SHTN1: variants seen among roughly 807,000 people sequenced by gnomAD.
The protein encoded by SHTN1 is shootin-1.
Under a neutral mutation model 83.1 loss-of-function variants are expected in SHTN1, and 42 were observed. The ratio of observed to expected loss-of-function variants is 0.51; its 90% CI spans 0.39 to 0.65. The LOEUF is 0.65. SHTN1 is among the 30% of genes least tolerant of loss of function. SHTN1 has a pLI of 0.00. For missense variants in SHTN1, 622 were observed against 737.8 expected (o/e 0.84, Z 1.82); for synonymous variants, 224 against 247.7 (o/e 0.90, Z 0.90).
intron 1 of SHTN1, among the ~76,000 whole-genome samples, chr10:117,110,833 A>C (rs763359970): frequency 2.0e-5 from 3 of 152,212 alleles, no homozygotes; most frequent in Non-Finnish European, 2.9e-5. Flanking sequence ...GCACTTATTA[A>C]GTAAGACTAG....
intron 2 of SHTN1, among the ~76,000 whole-genome samples, chr10:117,035,873 G>A (rs1055368166): frequency 1.4e-5 from 2 of 147,776 alleles, no homozygotes; most frequent in Non-Finnish European, 3.0e-5. Context: ...CTTGAACCTG[G>A]GAGGTGGAGG....
intron 11 of SHTN1, among the ~76,000 whole-genome samples, chr10:116,923,765 G>C (rs1404994688): frequency 1.3e-5 from 2 of 152,138 alleles, no homozygotes; most frequent in Non-Finnish European, 2.9e-5. Context: ...TGCCCAGGCT[G>C]GTCCTGAACT....
Position 117,002,847 on chromosome 10 carries a change from A to C in SHTN1, c.58+2175T>G, listed in dbSNP as rs145123872. Among the ~76,000 whole-genome samples the C allele has an allele frequency of 2.2e-3, 331 of 152,338 alleles. 2 individuals are homozygous for C. The highest frequency in any genetic ancestry group is 7.6e-3 in the African/African-American group (316 of 41,574). ...CCTTTTAAGAAACACAACTTTGAAT[A>C]TCTAACTGTTCTATTACCTTTCATA... is the stretch of plus-strand genomic sequence containing the variant. On this transcript the variant is annotated intron_variant, in intron 1 of 16. Coordinates refer to ENST00000355371, the MANE Select transcript of SHTN1 (RefSeq NM_001127211.3).
intron 2 of SHTN1, among the ~76,000 whole-genome samples, chr10:117,019,369 A>G (rs2133562922): frequency 1.3e-5 from 2 of 152,046 alleles, no homozygotes; most frequent in Admixed American, 1.3e-4. Flanking sequence ...AGTTTTGTAG[A>G]GACAGGGCCT....
intron 2 of SHTN1, among the ~76,000 whole-genome samples, chr10:117,029,829 CCTTT>C (rs59395168): frequency 0.02 from 3,027 of 151,380 alleles, 109 homozygotes; most frequent in African/African-American, 0.069. Flanking sequence ...GCCAGTTAAA[CCTTT>C]CTTTCTTTCT....
Position 116,936,559 on chromosome 10 carries a change from A to G in SHTN1, c.858+3907T>C, listed in dbSNP as rs1849171486. Among the ~76,000 whole-genome samples, 3 of 152,176 alleles carry G rather than the reference A, an allele frequency of 2.0e-5. No individual in the cohort carries two copies. In the South Asian group the frequency reaches 6.2e-4, roughly 32 times the overall value. ...CTGTTTATGATTTCCATTCTTCTGC[A>G]TTTGCCAAGGAGTGTTTTACATCCA... is the stretch of plus-strand genomic sequence containing the variant. On this transcript the variant is annotated intron_variant, in intron 9 of 16. Coordinates refer to ENST00000355371, the MANE Select transcript of SHTN1 (RefSeq NM_001127211.3).
chr10:116,932,139 G>A (rs940570073), intron 9 of SHTN1, among the ~76,000 whole-genome samples: 2 of 152,144 alleles, frequency 1.3e-5, no homozygotes, highest in Admixed American at 6.5e-5. Flanking sequence ...CCTCTGCAGC[G>A]GCAGCCAGCC....
At chr10:117,097,726 G>A (rs949933130) in intron 1 of SHTN1, among the ~76,000 whole-genome samples, 3 of 152,182 alleles carry the variant, frequency 2.0e-5, no homozygotes, top group Non-Finnish European at 1.5e-5. Context: ...AAATGTATTT[G>A]AGAACTCACT....
chr10:117,103,670 G>T (rs1202000789), intron 1 of SHTN1, among the ~76,000 whole-genome samples: 1 of 151,168 alleles, frequency 6.6e-6, no homozygotes, highest in Non-Finnish European at 1.5e-5. Context: ...CCCGAGAGCT[G>T]GGGCTACAGG....
chr10:117,097,030 G>GACACACACACACACACAC (rs5788209), intron 1 of SHTN1, among the ~76,000 whole-genome samples: 35 of 148,950 alleles, frequency 2.3e-4, no homozygotes, highest in Non-Finnish European at 4.3e-4. Flanking sequence ...CACACACATA[G>GACACACACACACACACAC]ACACACACAC....
intron 1 of SHTN1, among the ~76,000 whole-genome samples, chr10:117,109,623 G>A (rs1172583899): frequency 8.5e-6 from 1 of 118,308 alleles, no homozygotes; most frequent in African/African-American, 3.3e-5. Flanking sequence ...GGAGTGCAAT[G>A]GCACGATCTC....
chr10:117,118,338 C>T (rs1589939439), intron 1 of SHTN1, among the ~76,000 whole-genome samples: 1 of 126,890 alleles, frequency 7.9e-6, no homozygotes, highest in South Asian at 2.4e-4. Flanking sequence ...AATGCAAATC[C>T]ACCACAATGA....
chr10:116,920,267 G>A (rs1187911539), intron 12 of SHTN1, among the ~76,000 whole-genome samples: 1 of 152,154 alleles, frequency 6.6e-6, no homozygotes, highest in Non-Finnish European at 1.5e-5. Flanking sequence ...CAGGCACAGG[G>A]GACCAAGATC....
At chr10:117,097,942 G>T (rs1853530040) in intron 1 of SHTN1, among the ~76,000 whole-genome samples, 1 of 151,746 alleles carries the variant, frequency 6.6e-6, no homozygotes, top group Non-Finnish European at 1.5e-5. Flanking sequence ...AAAAGTCAGA[G>T]GGACTCTGCT....
At position 116,954,101 on chromosome 10, in the gene SHTN1, G is replaced by A. The variant is rs1849889101; in HGVS notation, c.377C>T (p.Thr126Ile). Residue 126 changes from threonine to isoleucine, a missense_variant, in exon 5 of 17, where the codon ACA (threonine) becomes ATA (isoleucine). By Grantham distance (89) the Thr-to-Ile change is moderately conservative. Around this residue, in one of 3 missense-constraint regions of SHTN1, gnomAD observed 383 missense variants for 455.8 expected, o/e 0.84. Coordinates refer to ENST00000355371, the MANE Select transcript of SHTN1 (RefSeq NM_001127211.3). ...EINIDDEDST[T>I]DTDGAAETCV... ...AGTCTCGGCGGCACCGTCTGTGTCT[G>A]TAGTCGAATCTTCATCATCAATGTT... 1 of 1,613,992 alleles carries A rather than the reference G, an allele frequency of 6.2e-7. No homozygotes were observed. The highest frequency in any genetic ancestry group is 8.5e-7 in the Non-Finnish European group (1 of 1,179,948).
intron 8 of SHTN1, among the ~76,000 whole-genome samples, chr10:116,942,576 T>C (rs544587793): frequency 6.0e-4 from 92 of 152,306 alleles, no homozygotes; most frequent in Admixed American, 1.2e-3. Context: ...AACTGATAGT[T>C]TTCTTGTTGA....
intron 16 of SHTN1, among the ~76,000 whole-genome samples, chr10:116,898,207 A>G (rs11197846): frequency 1.6e-4 from 25 of 152,218 alleles, no homozygotes; most frequent in East Asian, 1.5e-3. Context: ...AGGCACCTGT[A>G]ATCACAGCTA....
intron 9 of SHTN1, among the ~76,000 whole-genome samples, chr10:116,936,978 T>C (rs528513691): frequency 1.2e-4 from 19 of 152,322 alleles, no homozygotes; most frequent in South Asian, 1.2e-3. Context: ...GAGAGTAGGA[T>C]TGCAACCCCT....
rs538270083 is a variant in SHTN1, at chr10:117,050,775, C to T, written c.-188-2265G>A. Among the ~76,000 whole-genome samples, 4 of 152,112 alleles carry T rather than the reference C, an allele frequency of 2.6e-5. No homozygotes were observed. The East Asian group carries it at 7.7e-4, about 29-fold the overall frequency. On this transcript the variant is annotated intron_variant, in intron 1 of 17. Transcript: ENST00000392901. ...ACAGGCTGGGCATGGTGACACAGCC[C>T]AGGCTTGGTGGCTCGCACCTGTAAT...
Sources: allele counts gnomAD v4.1 joint callset (sites outside exome capture counted in the v4.1 genomes callset), GRCh38; gene constraint gnomAD v4.1.1; regional missense constraint gnomAD v4.1.1; transcripts MANE v1.5; gene names NCBI Gene and HGNC (gene_info 2026-07-23, HGNC 2026-07-21).